Variants in CARMIL1 observed in about 807,000 individuals in gnomAD.
CARMIL1 encodes capping protein regulator and myosin 1 linker 1, also known as F-actin-uncapping protein LRRC16A.
A neutral mutation model predicts 177.1 loss-of-function variants in CARMIL1; 90 were observed. That is an observed-to-expected ratio of 0.51 (90% CI 0.43 to 0.61). The LOEUF (loss-of-function observed/expected upper bound fraction) is 0.61, where lower values mean the gene tolerates loss of function less well. Among genes scored for constraint, CARMIL1 ranks in the 20% least tolerant of loss-of-function variants. The pLI, the probability that CARMIL1 is intolerant of heterozygous loss-of-function variation, is 0.00. For synonymous variants in CARMIL1, 577 were observed against 606.2 expected, an observed-to-expected ratio of 0.95 and a Z score of 0.71; for missense variants, 1,380 against 1,667.0, an observed-to-expected ratio of 0.83 and a Z score of 3.00.
In CARMIL1 at chr6:25,400,812, G is replaced by T. The variant is rs1793823245; in HGVS notation, c.139-19302G>T. On this transcript the variant is annotated intron_variant, in intron 2 of 36. Coordinates refer to ENST00000329474, the MANE Select transcript of CARMIL1 (RefSeq NM_017640.6). ...GCACTTCAAAAACCAATTGTTCCTAGAATCTTCAGTGTCATCATGAAACAT... is the reference window on the plus strand; with the variant it reads ...GCACTTCAAAAACCAATTGTTCCTATAATCTTCAGTGTCATCATGAAACAT... 2.0e-5 allele frequency among the ~76,000 whole-genome samples: 3 copies of T among 152,218 alleles called. No homozygotes were observed. The South Asian group carries it at 6.2e-4, about 32-fold the overall frequency.
chr6:25,545,983 CTTAAGTTAGCAGT>C (rs1440970609), intron 26 of CARMIL1, among the ~76,000 whole-genome samples: 1 of 152,100 alleles, frequency 6.6e-6, no homozygotes, highest in Non-Finnish European at 1.5e-5. Flanking sequence ...TAATGGATAA[CTTAAGTTAGCAGT>C]AAGGGTCATG....
At chr6:25,411,596 C>T (rs1199592327) in intron 2 of CARMIL1, among the ~76,000 whole-genome samples, 1 of 152,176 alleles carries the variant, frequency 6.6e-6, no homozygotes, top group Non-Finnish European at 1.5e-5. Flanking sequence ...TTGATAACAC[C>T]TTACAACTTG....
intron 2 of CARMIL1, among the ~76,000 whole-genome samples, chr6:25,390,196 T>C (rs1031946968): frequency 1.3e-5 from 2 of 151,360 alleles, no homozygotes; most frequent in African/African-American, 4.8e-5. Context: ...TTGCCAAGTT[T>C]CTCTTAAGCC....
At chr6:25,562,722 C>T (rs1024373810) in intron 29 of CARMIL1, among the ~76,000 whole-genome samples, 1 of 152,146 alleles carries the variant, frequency 6.6e-6, no homozygotes, top group African/African-American at 2.4e-5. Flanking sequence ...AGCCCTAAAG[C>T]TCCCAGTAGG....
intron 2 of CARMIL1, among the ~76,000 whole-genome samples, chr6:25,325,712 A>G (rs573467370): frequency 1.6e-3 from 245 of 152,350 alleles, no homozygotes; most frequent in African/African-American, 5.4e-3. Context: ...CTGAAGATAC[A>G]GCAGATGTAA....
intron 24 of CARMIL1, among the ~76,000 whole-genome samples, chr6:25,530,080 T>A (rs534868959): frequency 4.3e-4 from 65 of 151,940 alleles, no homozygotes; most frequent in African/African-American, 1.5e-3. Context: ...TAGAAAACCA[T>A]TTCATATGAG....
At chr6:25,460,204 CAAATGTCA>C (rs1446495089) in intron 8 of CARMIL1, among the ~76,000 whole-genome samples, 1 of 152,180 alleles carries the variant, frequency 6.6e-6, no homozygotes, top group Non-Finnish European at 1.5e-5. Context: ...GAGGCCCATG[CAAATGTCA>C]AATTAAATAT....
rs543454718 is a variant in CARMIL1, at chr6:25,586,327, C to T, written c.3006+4888C>T. The stretch of plus-strand genomic sequence containing the variant: ...CTCAGTTCCCAGACGGGGTCGCGGC[C>T]GGGCAGAGGCGCTCCTCACATCCCA... On this transcript the variant is annotated intron_variant, in intron 31 of 36. Transcript: ENST00000329474. Among the ~76,000 whole-genome samples the T allele has an allele frequency of 1.4e-3, 212 of 150,820 alleles. 2 individuals are homozygous for T. Among genetic ancestry groups the T allele is most frequent in the Admixed American group, 3.8e-3 (58 of 15,178 alleles).
chr6:25,537,107 T>C (rs1215325846), intron 24 of CARMIL1, among the ~76,000 whole-genome samples: 1 of 152,142 alleles, frequency 6.6e-6, no homozygotes, highest in Non-Finnish European at 1.5e-5. Context: ...TTGTCTACCA[T>C]AGAGATCCAC....
chr6:25,596,794 A>G (rs1814893721), intron 32 of CARMIL1, among the ~76,000 whole-genome samples: 1 of 151,990 alleles, frequency 6.6e-6, no homozygotes, highest in Admixed American at 6.6e-5. Context: ...ATTTTGGAGC[A>G]TTTCAAATTA....
chr6:25,528,969 G>A (rs893124108), intron 24 of CARMIL1, 76 bp downstream of exon 24: 81 of 1,132,994 alleles, frequency 7.1e-5, no homozygotes, highest in South Asian at 3.0e-4. Context: ...TCTAGCATTC[G>A]AGTAATTTCC....
chr6:25,288,022 C>G (rs999935824), intron 2 of CARMIL1, among the ~76,000 whole-genome samples: 12 of 152,104 alleles, frequency 7.9e-5, no homozygotes, highest in African/African-American at 2.9e-4. Flanking sequence ...AAACATGTAG[C>G]CAGGCAGTGG....
At chr6:25,484,633 A>T (rs1802449325) in intron 12 of CARMIL1, among the ~76,000 whole-genome samples, 1 of 152,222 alleles carries the variant, frequency 6.6e-6, no homozygotes, top group African/African-American at 2.4e-5. Flanking sequence ...GTACACATTT[A>T]TGGTAAAGAT....
Position 25,284,831 on chromosome 6 carries a change from TG to T in CARMIL1, c.62del (p.Gly21AlafsTer4). The T allele has an allele frequency of 6.4e-7, 1 of 1,557,866 alleles. No homozygotes were observed. The highest frequency in any genetic ancestry group is 8.7e-7 in the Non-Finnish European group (1 of 1,146,108). On this transcript the variant is annotated frameshift_variant, in exon 2 of 37. Coordinates refer to ENST00000329474, the MANE Select transcript of CARMIL1 (RefSeq NM_017640.6). LOFTEE classifies it high-confidence loss of function. Reference sequence around the variant, plus strand: ...TTTCAGAAAGCATAAAGGATGTTATTGGCAGAAAGATAAAAATTTCAGTGAA... The same window carrying T: ...TTTCAGAAAGCATAAAGGATGTTATTGCAGAAAGATAAAAATTTCAGTGAA... ...ELIESIKDVI[G>X]RKIKISVKKK...
In CARMIL1 at chr6:25,554,075, C is replaced by A; in HGVS notation, c.2571C>A (p.Leu857=). The part of the protein sequence containing the change: ...DRIVDEILDA[L]SHCHHKLADH... ...TTGTGGATGAAATCCTGGATGCACTCTCACATTGCCATCATAAACTGGTGA... is the reference window on the plus strand; with the variant it reads ...TTGTGGATGAAATCCTGGATGCACTATCACATTGCCATCATAAACTGGTGA... The change falls in exon 28 of 37, where the codon CTC becomes CTA. Residue 857 remains leucine, a synonymous_variant. Transcript: ENST00000329474. This position sits in a 1 kb window ranked among gnomAD's most constrained non-coding sequence, Gnocchi z 4.6. The A allele has an allele frequency of 6.3e-7, 1 of 1,596,026 alleles. No homozygotes were observed. Among genetic ancestry groups the A allele is most frequent in the Middle Eastern group, 1.7e-4 (1 of 6,046 alleles).
chr6:25,538,131 C>T (rs1001294220), intron 25 of CARMIL1, 148 bp downstream of exon 25: 1 of 778,892 alleles, frequency 1.3e-6, no homozygotes, highest in Non-Finnish European at 2.0e-6. Flanking sequence ...GCCTTGACCT[C>T]CTTTCTGTAC....
At chr6:25,389,530 G>C (rs1317329206) in intron 2 of CARMIL1, among the ~76,000 whole-genome samples, 1 of 152,080 alleles carries the variant, frequency 6.6e-6, no homozygotes, top group South Asian at 2.1e-4. Flanking sequence ...GGAAGGTGTC[G>C]ATCACTTCTT....
At chr6:25,540,254 C>G (rs2151133111) in intron 26 of CARMIL1, among the ~76,000 whole-genome samples, 176 bp downstream of exon 26, 1 of 152,314 alleles carries the variant, frequency 6.6e-6, no homozygotes, top group Non-Finnish European at 1.5e-5. Context: ...GGAAAGACTT[C>G]TTACATAATC....
At chr6:25,596,169 A>AATTTTTGGTAAATTTTGTAC (rs60226430) in intron 32 of CARMIL1, among the ~76,000 whole-genome samples, 1 of 104,450 alleles carries the variant, frequency 9.6e-6, no homozygotes, top group East Asian at 5.1e-4. Context: ...AAATTTTGTA[A>AATTTTTGGTAAATTTTGTAC]GGTATAAAAT....
Sources: gnomAD v4.1 joint callset for allele counts (sites outside exome capture counted in the v4.1 genomes callset) on GRCh38, gnomAD v4.1.1 for gene constraint, Gnocchi (gnomAD v3.1) non-coding constraint, MANE v1.5 for transcripts, NCBI Gene and HGNC (gene_info 2026-07-23, HGNC 2026-07-21) for gene names.